Variants in PRKCE observed in about 807,000 individuals in gnomAD.
PRKCE encodes the protein protein kinase C epsilon.
In PRKCE, 16 loss-of-function variants were observed where a neutral mutation model predicts 85.4. The ratio of observed to expected loss-of-function variants is 0.19; its 90% CI spans 0.13 to 0.28. The LOEUF is 0.28. Among genes scored for constraint, PRKCE ranks in the 10% least tolerant of loss-of-function variants. PRKCE has a pLI of 1.00. For missense variants in PRKCE, 573 were observed against 975.2 expected (o/e 0.59, Z 5.49); for synonymous variants, 388 against 371.5 (o/e 1.04, Z -0.51).
intron 2 of PRKCE, among the ~76,000 whole-genome samples, chr2:45,951,060 T>C (rs564034655): frequency 6.6e-6 from 1 of 152,336 alleles, no homozygotes; most frequent in South Asian, 2.1e-4. Context: ...CACAGCTTAA[T>C]GCTCGGTGCC....
At chr2:45,898,563 G>A (rs1696327673) in intron 2 of PRKCE, among the ~76,000 whole-genome samples, 1 of 152,160 alleles carries the variant, frequency 6.6e-6, no homozygotes. Context: ...ATGTCCCCTG[G>A]GCTTTCCTAT....
At chr2:45,755,820 G>C (rs1226736874) in intron 1 of PRKCE, among the ~76,000 whole-genome samples, 1 of 152,162 alleles carries the variant, frequency 6.6e-6, no homozygotes, top group Non-Finnish European at 1.5e-5. Context: ...GCTCAGACAG[G>C]GGCTGTCAAG....
intron 1 of PRKCE, among the ~76,000 whole-genome samples, chr2:45,805,728 C>T (rs1688194157): frequency 6.6e-6 from 1 of 151,984 alleles, no homozygotes; most frequent in Non-Finnish European, 1.5e-5. Flanking sequence ...ACCCAAGTAG[C>T]TGGGATTACA....
chr2:46,079,991 A>T (rs1456281046), intron 10 of PRKCE, among the ~76,000 whole-genome samples: 3 of 152,200 alleles, frequency 2.0e-5, no homozygotes, highest in African/African-American at 7.2e-5. Context: ...GTAACTTTTT[A>T]GACATTCAGG....
intron 2 of PRKCE, 70 bp downstream of exon 2, chr2:45,843,133 C>CA: frequency 7.4e-7 from 1 of 1,360,164 alleles, no homozygotes; most frequent in Non-Finnish European, 1.0e-6. Context: ...TCTTCTTTCC[C>CA]CCCCTTGGCC....
intron 1 of PRKCE, among the ~76,000 whole-genome samples, chr2:45,777,467 T>C (rs1685840273): frequency 6.6e-6 from 1 of 152,010 alleles, no homozygotes; most frequent in Admixed American, 6.5e-5. Context: ...ATGAAGGCAG[T>C]GGCGCCCACG....
chr2:45,872,636 C>T (rs867539117), intron 2 of PRKCE, among the ~76,000 whole-genome samples: 15 of 152,176 alleles, frequency 9.9e-5, no homozygotes, highest in Admixed American at 3.3e-4. Flanking sequence ...TATATTTGAG[C>T]GGGAGAGTGG....
chr2:45,837,892 A>G (rs4953267), intron 1 of PRKCE, among the ~76,000 whole-genome samples: 8,179 of 152,248 alleles, frequency 0.054, 364 homozygotes, highest in East Asian at 0.14. Flanking sequence ...TGAAAATAAC[A>G]AAACTCGCTA....
intron 1 of PRKCE, among the ~76,000 whole-genome samples, chr2:45,689,279 G>T (rs1264945883): frequency 6.6e-6 from 1 of 152,110 alleles, no homozygotes; most frequent in Non-Finnish European, 1.5e-5. Context: ...TTATTTAACT[G>T]GGGAACAGAT....
At chr2:45,949,547 T>C (rs1261424426) in intron 2 of PRKCE, among the ~76,000 whole-genome samples, 1 of 152,040 alleles carries the variant, frequency 6.6e-6, no homozygotes, top group African/African-American at 2.4e-5. Context: ...TGGTGTCTTC[T>C]GTGCAGAAGT....
chr2:46,182,558 G>C (rs946726420), intron 14 of PRKCE, among the ~76,000 whole-genome samples: 3 of 152,014 alleles, frequency 2.0e-5, no homozygotes, highest in African/African-American at 7.2e-5. Flanking sequence ...TTTTCTGTGT[G>C]TCCCCCCCTT....
intron 1 of PRKCE, among the ~76,000 whole-genome samples, chr2:45,805,084 A>G (rs1398902092): frequency 2.0e-5 from 3 of 152,194 alleles, no homozygotes; most frequent in Non-Finnish European, 2.9e-5. Context: ...CAAAGATTCA[A>G]TAATTAGAAT....
intron 1 of PRKCE, among the ~76,000 whole-genome samples, chr2:45,829,196 C>G (rs956524334): frequency 2.0e-5 from 3 of 152,010 alleles, no homozygotes; most frequent in Non-Finnish European, 2.9e-5. Flanking sequence ...GAGATAAATT[C>G]CCAGAAGTGG....
chr2:45,991,008 TTTC>T (rs780430849), intron 6 of PRKCE, among the ~76,000 whole-genome samples: 1 of 150,732 alleles, frequency 6.6e-6, no homozygotes, highest in African/African-American at 2.4e-5. Flanking sequence ...CCTTTCTTTC[TTTC>T]TTCTTTTTTT....
chr2:45,821,793 C>G (rs1558712446), intron 1 of PRKCE, among the ~76,000 whole-genome samples: 1 of 152,148 alleles, frequency 6.6e-6, no homozygotes, highest in African/African-American at 2.4e-5. Flanking sequence ...AAGGCTTGGG[C>G]AAGAAGTGTC....
At chr2:45,713,320 G>C (rs1017660831) in intron 1 of PRKCE, among the ~76,000 whole-genome samples, 1 of 152,172 alleles carries the variant, frequency 6.6e-6, no homozygotes, top group Non-Finnish European at 1.5e-5. Context: ...CCTGAGGGTG[G>C]CTAATAATGT....
chr2:45,851,365 C>A (rs1465918288), intron 2 of PRKCE, among the ~76,000 whole-genome samples: 1 of 152,188 alleles, frequency 6.6e-6, no homozygotes, highest in Non-Finnish European at 1.5e-5. Flanking sequence ...CTTCTCAGAA[C>A]TGGGGGCACA....
intron 11 of PRKCE, among the ~76,000 whole-genome samples, chr2:46,114,889 G>A (rs947162366): frequency 1.7e-4 from 26 of 152,174 alleles, no homozygotes; most frequent in Admixed American, 5.9e-4. Flanking sequence ...AAAAAGGCAA[G>A]ATTTAGAGAA....
intron 1 of PRKCE, among the ~76,000 whole-genome samples, chr2:45,794,278 G>A (rs571398387): frequency 6.6e-6 from 1 of 152,258 alleles, no homozygotes; most frequent in Admixed American, 6.5e-5. Flanking sequence ...CATACACATG[G>A]CCCGAGATGA....
Sources: gnomAD v4.1 joint callset for allele counts (sites outside exome capture counted in the v4.1 genomes callset) on GRCh38, gnomAD v4.1.1 for gene constraint, MANE v1.5 for transcripts, NCBI Gene and HGNC (gene_info 2026-07-23, HGNC 2026-07-21) for gene names.